Variants in BLNK observed in about 807,000 individuals in gnomAD.
BLNK encodes the protein B-cell linker protein.
Under a neutral mutation model 73.5 loss-of-function variants are expected in BLNK, and 29 were observed. That is an observed-to-expected ratio of 0.39 (90% confidence interval 0.29 to 0.54). BLNK has a LOEUF of 0.54. Among genes scored for constraint, BLNK ranks in the 20% least tolerant of loss-of-function variants. BLNK has a pLI of 0.61. For missense variants in BLNK, 460 were observed against 562.8 expected (o/e 0.82, Z 1.85); for synonymous variants, 176 against 200.8 (o/e 0.88, Z 1.04).
Position 96,204,601 on chromosome 10 carries a change from G to C in BLNK, c.833C>G (p.Ala278Gly), listed in dbSNP as rs1319777790. Residue 278 changes from alanine (A) to glycine (G), a missense_variant, in exon 12 of 17, where the codon GCT becomes GGT. Ala to Gly is a moderately conservative substitution (Grantham distance 60). This residue lies in a region of BLNK where 233 missense variants were observed against 232.1 expected (regional missense o/e 1.00). Coordinates refer to ENST00000224337, the MANE Select transcript of BLNK (RefSeq NM_013314.4). ...SSVCEEKPIP[A>G]ERHRGSSHRQ... ...GTGACTTGACCCTCGGTGGCGTTCA[G>C]CAGGTATAGGTTTTTCTGGATCAGG... is the stretch of plus-strand genomic sequence containing the variant. 3 of 1,613,904 alleles carry C rather than the reference G, an allele frequency of 1.9e-6. No individual in the cohort carries two copies. The African/African-American group carries it at 4.0e-5, about 22-fold the overall frequency.
intron 1 of BLNK, among the ~76,000 whole-genome samples, chr10:96,262,370 T>G (rs782024305): frequency 1.3e-5 from 2 of 152,198 alleles, no homozygotes; most frequent in Non-Finnish European, 2.9e-5. Flanking sequence ...ATTGAGCTCT[T>G]ACTCTCCGGT....
intron 1 of BLNK, among the ~76,000 whole-genome samples, chr10:96,250,397 A>G (rs1843230686): frequency 2.0e-5 from 3 of 148,934 alleles, no homozygotes. Flanking sequence ...AGATTGAGAG[A>G]CAGACAGAGA....
At chr10:96,228,723 A>G (rs1554903314) in intron 4 of BLNK, among the ~76,000 whole-genome samples, 1 of 152,198 alleles carries the variant, frequency 6.6e-6, no homozygotes, top group Non-Finnish European at 1.5e-5. Context: ...CATGTTTTTC[A>G]GAGGTAGTTT....
At chr10:96,211,155 T>C (rs1383966293) in intron 8 of BLNK, among the ~76,000 whole-genome samples, 1 of 152,174 alleles carries the variant, frequency 6.6e-6, no homozygotes, top group Admixed American at 6.5e-5. Flanking sequence ...TGAGCCACGG[T>C]GCCTGGCCTA....
At chr10:96,246,213 T>A (rs1349964380) in intron 2 of BLNK, among the ~76,000 whole-genome samples, 2 of 152,080 alleles carry the variant, frequency 1.3e-5, no homozygotes, top group African/African-American at 4.8e-5. Flanking sequence ...CAAGTGCCAA[T>A]TGAAAAGTTC....
At chr10:96,232,635 C>A (rs986869097) in intron 3 of BLNK, among the ~76,000 whole-genome samples, 1 of 152,156 alleles carries the variant, frequency 6.6e-6, no homozygotes, top group Non-Finnish European at 1.5e-5. Context: ...AAACATGGGT[C>A]ACACTTTGAC....
chr10:96,191,921 G>T lies in BLNK; in HGVS notation c.*52C>A, dbSNP rs1344244009. ...GTTTTGGGACTTTTTCTCAAAAGGA[G>T]AAACTTTGGGAAAGTGTCTGAAGCA... On this transcript the variant is annotated 3_prime_UTR_variant, in exon 17 of 17. Transcript: ENST00000224337. 5.6e-6 allele frequency: 9 copies of T among 1,610,260 alleles called. No homozygotes were observed. Among genetic ancestry groups the T allele is most frequent in the Admixed American group, 1.7e-5 (1 of 59,824 alleles).
intron 7 of BLNK, among the ~76,000 whole-genome samples, chr10:96,215,600 G>A (rs1338010995): frequency 2.0e-5 from 3 of 152,138 alleles, no homozygotes; most frequent in African/African-American, 7.2e-5. Flanking sequence ...ATCAATGACA[G>A]ATTCATAATT....
chr10:96,259,297 G>A (rs1411063591), intron 1 of BLNK, among the ~76,000 whole-genome samples: 3 of 152,208 alleles, frequency 2.0e-5, no homozygotes, highest in Non-Finnish European at 2.9e-5. Flanking sequence ...AGAGGGGAGC[G>A]TCAGCTCTTA....
intron 8 of BLNK, among the ~76,000 whole-genome samples, chr10:96,212,394 A>G (rs1423122562): frequency 2.0e-5 from 3 of 152,218 alleles, no homozygotes; most frequent in Non-Finnish European, 4.4e-5. Flanking sequence ...AGTCATCTAT[A>G]TTGAGTCACT....
chr10:96,224,890 G>A (rs2084283340), intron 5 of BLNK, among the ~76,000 whole-genome samples: 1 of 151,920 alleles, frequency 6.6e-6, no homozygotes. Flanking sequence ...TAGAGATGGG[G>A]TTTTACCATG....
chr10:96,225,537 G>T (rs1842215340), intron 5 of BLNK, among the ~76,000 whole-genome samples: 1 of 152,104 alleles, frequency 6.6e-6, no homozygotes, highest in African/African-American at 2.4e-5. Context: ...AGTTTTATTT[G>T]CAGCTCCTGG....
intron 3 of BLNK, among the ~76,000 whole-genome samples, chr10:96,237,646 G>A (rs587682190): frequency 1.3e-5 from 2 of 152,324 alleles, no homozygotes; most frequent in East Asian, 3.9e-4. Context: ...AGACTTCAAA[G>A]ATACCGAAGG....
chr10:96,228,992 G>A (rs782367073), intron 4 of BLNK, among the ~76,000 whole-genome samples: 5 of 152,112 alleles, frequency 3.3e-5, no homozygotes, highest in Non-Finnish European at 7.3e-5. Context: ...GGGTATATGA[G>A]ATATTTTGAA....
At chr10:96,246,149 AG>A (rs747637769) in intron 2 of BLNK, among the ~76,000 whole-genome samples, 139 of 151,370 alleles carry the variant, frequency 9.2e-4, no homozygotes, top group Non-Finnish European at 1.8e-3. Context: ...TAAAAAAAAA[AG>A]CTTAAGAGTT....
chr10:96,250,679 G>C (rs1554908926), intron 1 of BLNK, among the ~76,000 whole-genome samples: 1 of 152,160 alleles, frequency 6.6e-6, no homozygotes, highest in African/African-American at 2.4e-5. Context: ...GGGCCAATTT[G>C]CATAAGTGAT....
chr10:96,246,517 A>G (rs1843051119), intron 2 of BLNK, among the ~76,000 whole-genome samples: 1 of 152,226 alleles, frequency 6.6e-6, no homozygotes, highest in Admixed American at 6.5e-5. Flanking sequence ...GTGCCATTGC[A>G]CTCCAGCCTG....
intron 6 of BLNK, among the ~76,000 whole-genome samples, chr10:96,217,863 C>T (rs1219066593): frequency 6.6e-6 from 1 of 152,094 alleles, no homozygotes; most frequent in Non-Finnish European, 1.5e-5. Context: ...ATCCAAGAAA[C>T]CATTGCCTAA....
chr10:96,189,816 A>T lies in BLNK; in HGVS notation c.*2157T>A. 1 of 1,154,534 alleles carries T rather than the reference A, an allele frequency of 8.7e-7. No homozygotes were observed. The highest frequency in any genetic ancestry group is 1.3e-6 in the Non-Finnish European group (1 of 776,038). The allele number at this position is 1,154,534 out of a possible 1,614,324, so 71.5% of individuals were successfully genotyped here. A position where few individuals can be genotyped will look rare whatever the true frequency, so the allele number is the denominator to read the frequency against. ...ACAGATCACTTTCCAGATATCCTTA[A>T]GAGTTTCACATCCTCCTCCTCTTCA... is the stretch of plus-strand genomic sequence containing the variant. On this transcript the variant is annotated 3_prime_UTR_variant, in exon 17 of 17. Coordinates refer to ENST00000224337, the MANE Select transcript of BLNK (RefSeq NM_013314.4).
Sources: allele counts gnomAD v4.1 joint callset (sites outside exome capture counted in the v4.1 genomes callset), GRCh38; gene constraint gnomAD v4.1.1; regional missense constraint gnomAD v4.1.1; transcripts MANE v1.5; gene names NCBI Gene and HGNC (gene_info 2026-07-23, HGNC 2026-07-21).